Variants in GALNT6 observed in about 807,000 individuals in gnomAD.
GALNT6 encodes the protein polypeptide N-acetylgalactosaminyltransferase 6, also known as GalNAc transferase 6.
A neutral mutation model predicts 65.9 loss-of-function variants in GALNT6; 51 were observed. The observed-to-expected ratio is 0.77, with a 90% confidence interval of 0.62 to 0.98. GALNT6 has a LOEUF of 0.98. GALNT6 is among the 50% of genes least tolerant of loss of function. GALNT6 has a pLI of 0.00. For missense variants in GALNT6, 708 were observed against 803.3 expected (o/e 0.88, Z 1.43); for synonymous variants, 323 against 315.1 (o/e 1.02, Z -0.26).
chr12:51,365,226 G>A (rs1427427441), intron 5 of GALNT6, among the ~76,000 whole-genome samples: 1 of 152,202 alleles, frequency 6.6e-6, no homozygotes, highest in African/African-American at 2.4e-5. Flanking sequence ...GGGGTCACCA[G>A]TTGTTTTAGG....
At chr12:51,389,271 G>A (rs959074202) in intron 2 of GALNT6, among the ~76,000 whole-genome samples, 11 of 152,234 alleles carry the variant, frequency 7.2e-5, no homozygotes, top group South Asian at 6.2e-4. Flanking sequence ...GAACACATCC[G>A]TGGGAGCCAG....
In GALNT6 at chr12:51,365,486, C is replaced by G. The variant is rs536166167; in HGVS notation, c.758G>C (p.Arg253Pro). 1 of 1,612,308 alleles carries G rather than the reference C, an allele frequency of 6.2e-7. No individual in the cohort carries two copies. The highest frequency in any genetic ancestry group is 8.5e-7 in the Non-Finnish European group (1 of 1,179,970). The change falls in exon 5 of 12, where the codon CGG becomes CCG. Residue 253 changes from arginine to proline, a missense_variant. Physicochemically the swap from Arg to Pro is moderately radical, Grantham distance 103. Transcript: ENST00000356317. ...CTGTGCCACGCTGGCCCCCAGCAGCCGGGCGGTGATCAGCCCCTTCCGCTC... is the reference window on the plus strand; with the variant it reads ...CTGTGCCACGCTGGCCCCCAGCAGCGGGGCGGTGATCAGCCCCTTCCGCTC... The part of the protein sequence containing the change: ...QEERKGLITA[R>P]LLGASVAQAE...
intron 11 of GALNT6, among the ~76,000 whole-genome samples, chr12:51,355,350 C>A (rs1946713755): frequency 6.6e-6 from 1 of 152,176 alleles, no homozygotes; most frequent in Admixed American, 6.5e-5. Context: ...GCCTGAAGAA[C>A]CCTGCCTGTG....
In GALNT6 at chr12:51,376,476, A is replaced by T. The variant is rs181459551; in HGVS notation, c.664+719T>A. The stretch of plus-strand genomic sequence containing the variant: ...TGGAGAAACCCCATCTCTATTAAAA[A>T]TACAAAATTAGCTGGGTGTGGTGGC... On this transcript the variant is annotated intron_variant, in intron 4 of 11. Transcript: ENST00000356317. 2.1e-3 allele frequency among the ~76,000 whole-genome samples: 324 copies of T among 152,104 alleles called. 2 individuals are homozygous for T. The highest frequency in any genetic ancestry group is 2.2e-3 in the Non-Finnish European group (149 of 67,968).
chr12:51,386,099 A>C (rs1026230998), intron 2 of GALNT6, among the ~76,000 whole-genome samples: 1 of 152,248 alleles, frequency 6.6e-6, no homozygotes, highest in Non-Finnish European at 1.5e-5. Context: ...TACTGCAAGA[A>C]ATACTTGACT....
At chr12:51,365,838 C>A (rs1412728195) in intron 4 of GALNT6, among the ~76,000 whole-genome samples, 1 of 152,172 alleles carries the variant, frequency 6.6e-6, no homozygotes, top group African/African-American at 2.4e-5. Context: ...AGATCCTATG[C>A]CTGTTCACCT....
intron 9 of GALNT6, 105 bp downstream of exon 9, chr12:51,358,025 G>A (rs1946803175): frequency 2.6e-6 from 3 of 1,152,730 alleles, no homozygotes; most frequent in South Asian, 1.5e-5. Context: ...AGGGTGCAGG[G>A]CAAAACTCAA....
chr12:51,379,556 G>C lies in GALNT6; in HGVS notation c.226C>G (p.Pro76Ala), dbSNP rs200846978. The change falls in exon 3 of 12, where the codon CCA (proline) becomes GCA (alanine). Residue 76 changes from proline (P) to alanine (A), a missense_variant. By Grantham distance (27) the Pro-to-Ala change is conservative (BLOSUM62 -1). Coordinates refer to ENST00000356317, the MANE Select transcript of GALNT6 (RefSeq NM_007210.4). ...DSMPKLQIRA[P>A]EAQQTLFSIN... Reference sequence around the variant, plus strand: ...GAGAACAGAGTCTGCTGGGCTTCTGGAGCCCTGATTTGGAGCTTGGGCATT... The same window carrying C: ...GAGAACAGAGTCTGCTGGGCTTCTGCAGCCCTGATTTGGAGCTTGGGCATT... 5.0e-6 allele frequency: 8 copies of C among 1,614,112 alleles called. No individual in the cohort carries two copies. Among genetic ancestry groups the C allele is most frequent in the Non-Finnish European group, 5.1e-6 (6 of 1,180,000 alleles).
In GALNT6 at chr12:51,356,333, G is replaced by A. The variant is rs1052073269; in HGVS notation, c.1603-375C>T. Among the ~76,000 whole-genome samples the A allele has an allele frequency of 5.5e-5, 8 of 146,754 alleles. No homozygotes were observed. The East Asian group carries it at 9.9e-4, about 18-fold the overall frequency. On this transcript the variant is annotated intron_variant, in intron 10 of 11. Transcript: ENST00000356317. ...TGGGATTACAGGTGTGAGCCACTGC[G>A]CCCAACCAGTATATTTTCTCTTTTT...
intron 6 of GALNT6, among the ~76,000 whole-genome samples, chr12:51,363,888 G>A (rs1565717229): frequency 6.6e-6 from 1 of 152,204 alleles, no homozygotes; most frequent in Non-Finnish European, 1.5e-5. Context: ...CAGACAGTCC[G>A]GGAAGTGTGT....
At chr12:51,355,472 ATTT>A (rs1946717859) in intron 11 of GALNT6, among the ~76,000 whole-genome samples, 1 of 151,742 alleles carries the variant, frequency 6.6e-6, no homozygotes, top group East Asian at 1.9e-4. Flanking sequence ...TTCTCTTTTT[ATTT>A]TTTATTTTTC....
At chr12:51,369,020 G>C (rs919766326) in intron 4 of GALNT6, among the ~76,000 whole-genome samples, 6 of 152,228 alleles carry the variant, frequency 3.9e-5, no homozygotes, top group African/African-American at 1.4e-4. Context: ...AGCCCCGGGT[G>C]CTGGCCCTGA....
At chr12:51,368,327 G>A (rs1353168038) in intron 4 of GALNT6, among the ~76,000 whole-genome samples, 3 of 151,708 alleles carry the variant, frequency 2.0e-5, no homozygotes, top group African/African-American at 7.3e-5. Flanking sequence ...GTCCTGGAGA[G>A]TGGCGCCTAG....
intron 2 of GALNT6, chr12:51,383,583 C>T (rs1486817158): frequency 2.0e-5 from 3 of 152,160 alleles, no homozygotes; most frequent in Non-Finnish European, 4.4e-5. Context: ...TTTATTTTCC[C>T]TGGAGAAAGA....
At chr12:51,385,032 A>G (rs1030320755) in intron 2 of GALNT6, among the ~76,000 whole-genome samples, 51 of 151,932 alleles carry the variant, frequency 3.4e-4, no homozygotes, top group African/African-American at 1.2e-3. Context: ...TCTGTTCCTT[A>G]AGCTGGAGTG....
intron 8 of GALNT6, 102 bp downstream of exon 8, chr12:51,359,030 G>A (rs900491966): frequency 1.1e-6 from 1 of 886,524 alleles, no homozygotes; most frequent in Non-Finnish European, 1.8e-6. Flanking sequence ...GGAGGCGCCA[G>A]ATGGTAGAGA....
intron 5 of GALNT6, among the ~76,000 whole-genome samples, chr12:51,364,729 G>A (rs898501744): frequency 6.6e-6 from 1 of 152,214 alleles, no homozygotes; most frequent in Non-Finnish European, 1.5e-5. Flanking sequence ...AGGGGCATCC[G>A]CATGTCAAGC....
In GALNT6 at chr12:51,357,401, C is replaced by T. The variant is rs543858431; in HGVS notation, c.1550G>A (p.Arg517His). The change falls in exon 10 of 12, where the codon CGC (arginine) becomes CAC (histidine). Residue 517 changes from arginine (R) to histidine (H), a missense_variant. By Grantham distance (29) the Arg-to-His change is conservative (BLOSUM62 0). Coordinates refer to ENST00000356317, the MANE Select transcript of GALNT6 (RefSeq NM_007210.4). Reference protein sequence around the residue: ...NQCLDVGENNRGGKPLIMYSC... With the variant: ...NQCLDVGENNHGGKPLIMYSC... Reference sequence around the variant, plus strand: ...GTACATGATGAGGGGCTTCCCCCCGCGGTTGTTCTCACCCACATCCAGGCA... The same window carrying T: ...GTACATGATGAGGGGCTTCCCCCCGTGGTTGTTCTCACCCACATCCAGGCA... 5.6e-5 allele frequency: 91 copies of T among 1,613,942 alleles called. 1 individual carries two copies. The highest frequency in any genetic ancestry group is 5.5e-4 in the South Asian group (50 of 91,082).
intron 6 of GALNT6, among the ~76,000 whole-genome samples, chr12:51,362,027 C>T (rs1435076988): frequency 6.6e-6 from 1 of 152,186 alleles, no homozygotes; most frequent in East Asian, 1.9e-4. Context: ...CCTGCAGCCA[C>T]TTTCTGGAAG....
Sources: gnomAD v4.1 joint callset for allele counts (sites outside exome capture counted in the v4.1 genomes callset) on GRCh38, gnomAD v4.1.1 for gene constraint, MANE v1.5 for transcripts, NCBI Gene and HGNC (gene_info 2026-07-23, HGNC 2026-07-21) for gene names.